The following XPO6 variants were observed in gnomAD, a reference collection of about 807,000 sequenced individuals.
XPO6 encodes exportin 6.
XPO6 carries 3 observed loss-of-function variants against 130.0 expected under a neutral mutation model. The observed-to-expected ratio is 0.02, with a 90% CI of 0.01 to 0.06. XPO6 has a LOEUF of 0.06. Among genes scored for constraint, XPO6 ranks in the 10% least tolerant of loss-of-function variants. The pLI, the probability that XPO6 is intolerant of heterozygous loss-of-function variation, is 1.00. For missense variants in XPO6, 970 were observed against 1,393.0 expected, an observed-to-expected ratio of 0.70 and a Z score of 4.83; for synonymous variants, 524 against 548.9, an observed-to-expected ratio of 0.95 and a Z score of 0.63.
Position 28,106,230 on chromosome 16 carries a change from CCA to C in XPO6, c.2613-18_2613-17del, listed in dbSNP as rs1417601173. On this transcript the variant is annotated splice_polypyrimidine_tract_variant and intron_variant, in intron 19 of 23. Coordinates refer to ENST00000304658, the MANE Select transcript of XPO6 (RefSeq NM_015171.4). This position sits in a 1 kb window ranked among gnomAD's most constrained non-coding sequence, Gnocchi z 4.2. ...TAACTGCTCTCTACAGAGGAGAAAG[CCA>C]CACAGTGAGCAACCACATGTTTCTC... 2 of 1,612,632 alleles carry C rather than the reference CCA, an allele frequency of 1.2e-6. No individual in the cohort carries two copies. Among genetic ancestry groups the C allele is most frequent in the Non-Finnish European group, 1.7e-6 (2 of 1,178,982 alleles).
intron 9 of XPO6, among the ~76,000 whole-genome samples, chr16:28,139,618 T>C (rs538223222): frequency 6.6e-6 from 1 of 152,268 alleles, no homozygotes; most frequent in Admixed American, 6.5e-5. Flanking sequence ...AAAACCTCAA[T>C]ATAAAGAAGA....
At chr16:28,184,958 G>A (rs9941117) in intron 1 of XPO6, among the ~76,000 whole-genome samples, 10,611 of 152,012 alleles carry the variant, frequency 0.07, 1,171 homozygotes, top group African/African-American at 0.23. Context: ...TATACCAAAC[G>A]AAAACATACA....
At chr16:28,191,648 G>A (rs756761370) in intron 1 of XPO6, among the ~76,000 whole-genome samples, 1 of 152,146 alleles carries the variant, frequency 6.6e-6, no homozygotes, top group African/African-American at 2.4e-5. Context: ...TGAAGACAGG[G>A]GCAGGCCACC....
chr16:28,170,280 C>T (rs569634991), intron 4 of XPO6, among the ~76,000 whole-genome samples: 23 of 145,246 alleles, frequency 1.6e-4, no homozygotes, highest in Admixed American at 7.1e-4. Flanking sequence ...TGTGGTGAGC[C>T]GAGATCGTGC....
intron 9 of XPO6, among the ~76,000 whole-genome samples, chr16:28,141,472 T>C (rs937984396): frequency 2.0e-5 from 3 of 152,160 alleles, no homozygotes; most frequent in African/African-American, 7.2e-5. Context: ...TTCATCCCAC[T>C]TTCTCAACAA....
At chr16:28,129,389 C>T (rs1401154435) in intron 12 of XPO6, among the ~76,000 whole-genome samples, 1 of 152,198 alleles carries the variant, frequency 6.6e-6, no homozygotes, top group Non-Finnish European at 1.5e-5. Flanking sequence ...ACACTTTCTT[C>T]TGTCTGGTCA....
At chr16:28,197,521 T>C (rs1283832931) in intron 1 of XPO6, among the ~76,000 whole-genome samples, 1 of 152,172 alleles carries the variant, frequency 6.6e-6, no homozygotes, top group Admixed American at 6.6e-5. Flanking sequence ...GCGACAATTT[T>C]CTTAAGATTA....
chr16:28,112,430 C>T (rs370308390), intron 16 of XPO6, among the ~76,000 whole-genome samples: 1 of 152,160 alleles, frequency 6.6e-6, no homozygotes, highest in East Asian at 1.9e-4. Flanking sequence ...CATCCTGGTG[C>T]CCTCTGGTAC....
chr16:28,141,548 T>C (rs1214335540), intron 9 of XPO6, among the ~76,000 whole-genome samples: 1 of 152,114 alleles, frequency 6.6e-6, no homozygotes, highest in Non-Finnish European at 1.5e-5. Flanking sequence ...TCCGGGCCTT[T>C]CCATGCCACC....
rs77913251 is a variant in XPO6 at position 28,104,733 on chromosome 16, C to T, written c.2785-26G>A. On this transcript the variant is annotated intron_variant, in intron 20 of 23. Coordinates refer to ENST00000304658, the MANE Select transcript of XPO6 (RefSeq NM_015171.4). ...CTGCAAAGACACACAGACGCTCAGA[C>T]CTGCAGCTTGCGGAGCTGCTCCGGC... 6,422 of 1,612,100 alleles carry T rather than the reference C, an allele frequency of 4.0e-3. 221 individuals carry two copies. In the African/African-American group the frequency reaches 0.075, roughly 19 times the overall value.
At chr16:28,128,364 C>T (rs752132771) in intron 12 of XPO6, among the ~76,000 whole-genome samples, 10 of 152,144 alleles carry the variant, frequency 6.6e-5, no homozygotes, top group Non-Finnish European at 1.5e-4. Context: ...CTGGGGGTCA[C>T]TGAGTCCGCT....
intron 17 of XPO6, among the ~76,000 whole-genome samples, chr16:28,109,672 G>A (rs2086871876): frequency 1.3e-5 from 2 of 152,140 alleles, no homozygotes; most frequent in Non-Finnish European, 2.9e-5. Context: ...GACAAAAACT[G>A]GGCATGCTCT....
intron 8 of XPO6, among the ~76,000 whole-genome samples, chr16:28,149,789 G>A (rs1015052745): frequency 8.5e-5 from 13 of 152,114 alleles, no homozygotes; most frequent in Non-Finnish European, 1.9e-4. Flanking sequence ...CGCAACACAC[G>A]ACTGTACTAA....
Position 28,106,391 on chromosome 16 carries a change from C to T in XPO6, c.2604G>A (p.Met868Ile). The T allele has an allele frequency of 6.2e-7, 1 of 1,614,122 alleles. No homozygotes were observed. The highest frequency in any genetic ancestry group is 8.5e-7 in the Non-Finnish European group (1 of 1,179,936). ...TEQIIQTFLN[M>I]FTREQLAESI... Reference sequence around the variant, plus strand: ...GGTGGGTCTGTGCTTACCTGGTAAACATGTTGAGGAAAGTCTGTATGATTT... The same window carrying T: ...GGTGGGTCTGTGCTTACCTGGTAAATATGTTGAGGAAAGTCTGTATGATTT... The change falls in exon 19 of 24, where the codon ATG becomes ATA. Residue 868 changes from methionine to isoleucine, a missense_variant. Physicochemically the swap from Met to Ile is conservative, Grantham distance 10. This residue lies in a region of XPO6 where 936 missense variants were observed against 1,306.8 expected (regional missense o/e 0.72). Transcript: ENST00000304658. This position sits in a 1 kb window ranked among gnomAD's most constrained non-coding sequence, Gnocchi z 4.2.
chr16:28,106,609 C>G lies in XPO6; in HGVS notation c.2498-112G>C, dbSNP rs543354214. 6 of 795,926 alleles carry G rather than the reference C, an allele frequency of 7.5e-6. No homozygotes were observed. The South Asian group carries it at 9.4e-5, about 12-fold the overall frequency. The allele number at this position is 795,926 out of a possible 1,614,324, so 49.3% of individuals were successfully genotyped here. A position where few individuals can be genotyped will look rare whatever the true frequency, so the allele number is the denominator to read the frequency against. On this transcript the variant is annotated intron_variant, in intron 18 of 23. Coordinates refer to ENST00000304658, the MANE Select transcript of XPO6 (RefSeq NM_015171.4). This position sits in a 1 kb window ranked among gnomAD's most constrained non-coding sequence, Gnocchi z 4.2. ...GCACTATCAGCTTTCTCTACAGCTT[C>G]CTGCTGGAAACATTTCCCCAACACC...
intron 1 of XPO6, among the ~76,000 whole-genome samples, chr16:28,186,525 C>G (rs143697562): frequency 3.3e-4 from 50 of 151,898 alleles, no homozygotes; most frequent in African/African-American, 1.2e-3. Context: ...CACATGCCAC[C>G]ACATCTGGCT....
In XPO6 at chr16:28,152,682, A is replaced by G. The variant is rs2043116139; in HGVS notation, c.1201T>C (p.Leu401=). 3 of 1,612,778 alleles carry G rather than the reference A, an allele frequency of 1.9e-6. No individual in the cohort carries two copies. The highest frequency in any genetic ancestry group is 1.7e-6 in the Non-Finnish European group (2 of 1,179,696). Residue 401 remains leucine, a synonymous_variant, in exon 8 of 24, where the codon TTG becomes CTG. Transcript: ENST00000304658. Reference sequence around the variant, plus strand: ...ACCTGATGAAATGTGTACTTGAACAAAAGTGTCAAAAACTCCACCACAGGG... The same window carrying G: ...ACCTGATGAAATGTGTACTTGAACAGAAGTGTCAAAAACTCCACCACAGGG... ...QFPVVEFLTL[L]FKYTFHQPTH... is the part of the protein sequence containing the mutation.
At chr16:28,140,311 C>T (rs201147925) in intron 9 of XPO6, among the ~76,000 whole-genome samples, 3 of 151,340 alleles carry the variant, frequency 2.0e-5, no homozygotes, top group East Asian at 3.9e-4. Flanking sequence ...CCCAAATATT[C>T]GGAAACTAAA....
chr16:28,109,658 G>A (rs1596789139), intron 17 of XPO6, among the ~76,000 whole-genome samples: 2 of 152,154 alleles, frequency 1.3e-5, no homozygotes, highest in African/African-American at 4.8e-5. Context: ...CCAATGTCAC[G>A]AAAGACAAAA....
Sources: allele counts gnomAD v4.1 joint callset (sites outside exome capture counted in the v4.1 genomes callset), GRCh38; gene constraint gnomAD v4.1.1; regional missense constraint gnomAD v4.1.1; non-coding constraint Gnocchi (gnomAD v3.1); transcripts MANE v1.5; gene names NCBI Gene and HGNC (gene_info 2026-07-23, HGNC 2026-07-21).